FHIT: variants seen among roughly 807,000 people sequenced by gnomAD.
The protein encoded by FHIT is fragile histidine triad diadenosine triphosphatase.
A neutral mutation model predicts 17.9 loss-of-function variants in FHIT; 19 were observed. That is an observed-to-expected ratio of 1.06 (90% confidence interval 0.74 to 1.56). The LOEUF (loss-of-function observed/expected upper bound fraction) is 1.56, where lower values mean the gene tolerates loss of function less well. Ranked by LOEUF, FHIT falls within the 40% of genes most tolerant of loss-of-function variation. FHIT has a pLI of 0.00. For missense variants in FHIT, 248 were observed against 189.2 expected (o/e 1.31, Z -1.82); for synonymous variants, 81 against 69.7 (o/e 1.16, Z -0.81).
chr3:60,924,017 C>A (rs9836556), intron 3 of FHIT, among the ~76,000 whole-genome samples: 1,788 of 152,180 alleles, frequency 0.012, 29 homozygotes, highest in African/African-American at 0.04. Context: ...GGGGAGGGGC[C>A]CCTGCCATTG....
chr3:60,983,322 T>G (rs943360004), intron 3 of FHIT, among the ~76,000 whole-genome samples: 1 of 152,028 alleles, frequency 6.6e-6, no homozygotes, highest in African/African-American at 2.4e-5. Flanking sequence ...AACAAGCAGA[T>G]AGATACAAGG....
At chr3:61,083,672 C>T (rs1429121833) in intron 2 of FHIT, among the ~76,000 whole-genome samples, 1 of 152,214 alleles carries the variant, frequency 6.6e-6, no homozygotes, top group East Asian at 1.9e-4. Flanking sequence ...TAAACTCTAA[C>T]CAACCACTCA....
At chr3:60,409,656 C>T (rs1048643457) in intron 5 of FHIT, among the ~76,000 whole-genome samples, 1 of 152,126 alleles carries the variant, frequency 6.6e-6, no homozygotes, top group Non-Finnish European at 1.5e-5. Flanking sequence ...AAAAGCTGAA[C>T]ATTTTCTTGC....
intron 4 of FHIT, among the ~76,000 whole-genome samples, chr3:60,799,251 T>C (rs1341770103): frequency 2.6e-5 from 4 of 152,188 alleles, no homozygotes; most frequent in African/African-American, 9.6e-5. Context: ...CTCGGCTCAC[T>C]GCAACCTCCA....
chr3:60,351,065 C>T (rs750536881), intron 5 of FHIT, among the ~76,000 whole-genome samples: 4 of 150,772 alleles, frequency 2.7e-5, no homozygotes, highest in Admixed American at 6.6e-5. Context: ...TATATTGCAG[C>T]CTGGTAGGAC....
chr3:60,505,068 C>G (rs2034673181), intron 5 of FHIT, among the ~76,000 whole-genome samples: 1 of 144,276 alleles, frequency 6.9e-6, no homozygotes, highest in African/African-American at 2.8e-5. Context: ...GGACATTTGT[C>G]AAAGATGTAT....
chr3:59,997,017 C>T (rs778440110), intron 7 of FHIT, among the ~76,000 whole-genome samples: 33 of 152,164 alleles, frequency 2.2e-4, no homozygotes, highest in Non-Finnish European at 4.0e-4. Flanking sequence ...AGACCTGAGG[C>T]TCTATACTTG....
At chr3:60,502,893 G>GA (rs906464195) in intron 5 of FHIT, among the ~76,000 whole-genome samples, 5 of 152,160 alleles carry the variant, frequency 3.3e-5, no homozygotes, top group African/African-American at 1.2e-4. Context: ...TGAAAGGTTA[G>GA]AAAAAACACA....
chr3:60,268,372 AG>A (rs1333534288), intron 5 of FHIT, among the ~76,000 whole-genome samples: 1 of 152,190 alleles, frequency 6.6e-6, no homozygotes, highest in Non-Finnish European at 1.5e-5. Context: ...CATTCATAGC[AG>A]TTCATTTGTC....
Position 60,212,373 on chromosome 3 carries a change from C to T in FHIT, c.104-198221G>A, listed in dbSNP as rs1289081348. 3.9e-5 allele frequency among the ~76,000 whole-genome samples: 6 copies of T among 152,086 alleles called. No individual in the cohort carries two copies. In the East Asian group the frequency reaches 5.8e-4, roughly 15 times the overall value. On this transcript the variant is annotated intron_variant, in intron 5 of 9. Coordinates refer to ENST00000492590, the MANE Select transcript of FHIT (RefSeq NM_002012.4). ...AATTAAAAACAACTTAGTATAAAAA[C>T]GTTAGGGTATTTGTTGGATTTAAAA...
intron 5 of FHIT, among the ~76,000 whole-genome samples, chr3:60,303,249 A>G (rs1708521752): frequency 6.6e-6 from 1 of 152,180 alleles, no homozygotes; most frequent in African/African-American, 2.4e-5. Flanking sequence ...TAAGCATGAC[A>G]TCCAAATTCC....
chr3:60,375,194 A>G (rs762194441), intron 5 of FHIT, among the ~76,000 whole-genome samples: 3 of 152,118 alleles, frequency 2.0e-5, no homozygotes, highest in Non-Finnish European at 4.4e-5. Flanking sequence ...TGCCAGATTC[A>G]TGATTCTGTA....
intron 3 of FHIT, among the ~76,000 whole-genome samples, chr3:60,865,718 G>C (rs1704128752): frequency 1.3e-5 from 2 of 152,192 alleles, no homozygotes; most frequent in South Asian, 2.1e-4. Context: ...CTGTGAGATA[G>C]GCATGCTTAT....
intron 2 of FHIT, among the ~76,000 whole-genome samples, chr3:61,161,137 T>TA (rs201875023): frequency 0.11 from 14,090 of 133,284 alleles, 1,213 homozygotes; most frequent in East Asian, 0.42. Flanking sequence ...CATCCACAGT[T>TA]AAAAAAAAAA....
intron 4 of FHIT, among the ~76,000 whole-genome samples, chr3:60,688,418 T>C (rs1401009770): frequency 6.8e-6 from 1 of 148,120 alleles, no homozygotes; most frequent in East Asian, 1.9e-4. Flanking sequence ...GGTCAAATTA[T>C]GTTTTGTGTT....
intron 8 of FHIT, among the ~76,000 whole-genome samples, chr3:59,906,970 G>A (rs1239799086): frequency 6.6e-6 from 1 of 152,194 alleles, no homozygotes; most frequent in Non-Finnish European, 1.5e-5. Flanking sequence ...AAGGAAAGGA[G>A]TTCTCAGGGC....
chr3:60,231,773 T>C lies in FHIT; in HGVS notation c.104-217621A>G, dbSNP rs1303197075. 2.0e-5 allele frequency among the ~76,000 whole-genome samples: 3 copies of C among 152,340 alleles called. No individual in the cohort carries two copies. The South Asian group carries it at 6.2e-4, about 32-fold the overall frequency. ...CATTGATGTGTAAAATTGGCTAGGCTATAGTTCCCACTTATTCAGTTACAT... is the reference window on the plus strand; with the variant it reads ...CATTGATGTGTAAAATTGGCTAGGCCATAGTTCCCACTTATTCAGTTACAT... On this transcript the variant is annotated intron_variant, in intron 5 of 9. Coordinates refer to ENST00000492590, the MANE Select transcript of FHIT (RefSeq NM_002012.4).
intron 5 of FHIT, among the ~76,000 whole-genome samples, chr3:60,450,277 A>C (rs1015718571): frequency 1.3e-5 from 2 of 152,186 alleles, no homozygotes; most frequent in Admixed American, 6.5e-5. Flanking sequence ...ACTGGGCAAT[A>C]GGAATTTTTC....
At chr3:60,130,970 G>GGT (rs1176196969) in intron 5 of FHIT, among the ~76,000 whole-genome samples, 18 of 98,240 alleles carry the variant, frequency 1.8e-4, no homozygotes, top group African/African-American at 4.8e-4. Flanking sequence ...CCAGTAGAAA[G>GGT]GTATATATAT....
Sources: gnomAD v4.1 joint callset for allele counts (sites outside exome capture counted in the v4.1 genomes callset) on GRCh38, gnomAD v4.1.1 for gene constraint, MANE v1.5 for transcripts, NCBI Gene and HGNC (gene_info 2026-07-23, HGNC 2026-07-21) for gene names.